The following ETFA variants were observed in gnomAD, a reference collection of about 807,000 sequenced individuals.
The protein encoded by ETFA is electron transfer flavoprotein subunit alpha.
ETFA carries 22 observed loss-of-function variants against 46.2 expected under a neutral mutation model. The ratio of observed to expected loss-of-function variants is 0.48; its 90% CI spans 0.34 to 0.68. The LOEUF is 0.68. Among genes scored for constraint, ETFA ranks in the 30% least tolerant of loss-of-function variants. The pLI, the probability that ETFA is intolerant of heterozygous loss-of-function variation, is 0.01. For synonymous variants in ETFA, 131 were observed against 139.9 expected, an observed-to-expected ratio of 0.94 and a Z score of 0.45; for missense variants, 345 against 401.1, an observed-to-expected ratio of 0.86 and a Z score of 1.19.
intron 9 of ETFA, among the ~76,000 whole-genome samples, chr15:76,247,974 T>C (rs576099899): frequency 1.3e-5 from 2 of 152,246 alleles, no homozygotes; most frequent in Non-Finnish European, 2.9e-5. Flanking sequence ...AGCTTTAGTA[T>C]CTATACAATT....
intron 4 of ETFA, among the ~76,000 whole-genome samples, chr15:76,288,920 CTTTTT>C (rs35295593): frequency 3.6e-5 from 4 of 110,092 alleles, no homozygotes; most frequent in South Asian, 3.2e-4. Flanking sequence ...TCTTCTTCTT[CTTTTT>C]TTTTTTTTTT....
At chr15:76,277,510 A>C (rs75193394) in intron 8 of ETFA, among the ~76,000 whole-genome samples, 2 of 135,710 alleles carry the variant, frequency 1.5e-5, no homozygotes, top group African/African-American at 2.6e-5. Flanking sequence ...AAAACAAAAA[A>C]AAAAAACAAA....
Position 76,216,200 on chromosome 15 carries a change from C to T in ETFA, c.*359G>A. The T allele has an allele frequency of 4.7e-6, 1 of 211,138 alleles. No homozygotes were observed. The highest frequency in any genetic ancestry group is 9.4e-6 in the Non-Finnish European group (1 of 106,354). The allele number at this position is 211,138 out of a possible 1,614,324, so 13.1% of individuals were successfully genotyped here. A position where few individuals can be genotyped will look rare whatever the true frequency, so the allele number is the denominator to read the frequency against. ...TTTACAATCTTCCTAAAACATAGAG[C>T]TCTCCATGAACAAGAAAGGCAAAAA... is the stretch of plus-strand genomic sequence containing the variant. On this transcript the variant is annotated 3_prime_UTR_variant, in exon 12 of 12. Transcript: ENST00000557943.
At chr15:76,283,130 A>T (rs1400147837) in intron 8 of ETFA, among the ~76,000 whole-genome samples, 3 of 152,242 alleles carry the variant, frequency 2.0e-5, no homozygotes, top group African/African-American at 7.2e-5. Context: ...CACCAAAAAA[A>T]AGATGAAAAA....
At chr15:76,246,853 AAATT>A (rs1306350927) in intron 9 of ETFA, among the ~76,000 whole-genome samples, 3 of 152,160 alleles carry the variant, frequency 2.0e-5, no homozygotes, top group African/African-American at 7.2e-5. Context: ...AAAGAAAAGA[AAATT>A]AAATAAAAAG....
At chr15:76,239,408 T>C (rs1227415341) in intron 9 of ETFA, among the ~76,000 whole-genome samples, 1 of 152,222 alleles carries the variant, frequency 6.6e-6, no homozygotes, top group Non-Finnish European at 1.5e-5. Flanking sequence ...ACACTTAAAA[T>C]TTACTCTCTT....
rs568977553 is a variant in ETFA at position 76,311,469 on chromosome 15, T to C, written c.-81A>G. ...GGCGCCGCCTCAGCCAGTCACCTAA[T>C]GCTCGCGAGACGCGCGAACGAGATA... On this transcript the variant is annotated 5_prime_UTR_variant, in exon 1 of 12. Transcript: ENST00000557943. The C allele has an allele frequency of 1.3e-5, 20 of 1,512,032 alleles. No individual in the cohort carries two copies. The highest frequency in any genetic ancestry group is 1.8e-4 in the Middle Eastern group (1 of 5,548). The allele number at this position is 1,512,032 out of a possible 1,614,324, so 93.7% of individuals were successfully genotyped here.
rs2038893931 is a variant in ETFA, at chr15:76,216,200, C to A, written c.*359G>T. 4.7e-6 allele frequency: 1 copy of A among 211,022 alleles called. No individual in the cohort carries two copies. Among genetic ancestry groups the A allele is most frequent in the Non-Finnish European group, 9.4e-6 (1 of 106,362 alleles). 13.1% of individuals were successfully genotyped at this position (211,022 alleles called of 1,614,324 possible). A position where few individuals can be genotyped will look rare whatever the true frequency, so the allele number is the denominator to read the frequency against. Reference sequence around the variant, plus strand: ...TTTACAATCTTCCTAAAACATAGAGCTCTCCATGAACAAGAAAGGCAAAAA... The same window carrying A: ...TTTACAATCTTCCTAAAACATAGAGATCTCCATGAACAAGAAAGGCAAAAA... On this transcript the variant is annotated 3_prime_UTR_variant, in exon 12 of 12. Coordinates refer to ENST00000557943, the MANE Select transcript of ETFA (RefSeq NM_000126.4).
chr15:76,281,103 T>C (rs1303057894), intron 8 of ETFA, among the ~76,000 whole-genome samples: 5 of 151,836 alleles, frequency 3.3e-5, no homozygotes, highest in Non-Finnish European at 7.4e-5. Context: ...TTAGTAGAGG[T>C]GGGGTTTCAC....
At chr15:76,287,443 T>C (rs943721326) in intron 5 of ETFA, among the ~76,000 whole-genome samples, 7 of 152,272 alleles carry the variant, frequency 4.6e-5, no homozygotes, top group East Asian at 1.9e-4. Flanking sequence ...GCTGGGATTA[T>C]AGGCACGAGC....
intron 9 of ETFA, among the ~76,000 whole-genome samples, chr15:76,262,474 CTTTTTT>C (rs60480510): frequency 7.1e-5 from 6 of 84,686 alleles, no homozygotes; most frequent in South Asian, 5.6e-4. Context: ...ATCAAACCCC[CTTTTTT>C]TTTTTTTTTT....
At chr15:76,264,375 TG>T (rs2039449280) in intron 9 of ETFA, among the ~76,000 whole-genome samples, 1 of 152,208 alleles carries the variant, frequency 6.6e-6, no homozygotes, top group Non-Finnish European at 1.5e-5. Flanking sequence ...TACTGGGAGT[TG>T]GCCCTAATTG....
At chr15:76,255,779 G>C (rs1432641240) in intron 9 of ETFA, among the ~76,000 whole-genome samples, 1 of 152,132 alleles carries the variant, frequency 6.6e-6, no homozygotes, top group Non-Finnish European at 1.5e-5. Flanking sequence ...GGTTTATTCT[G>C]GAAAAACCAA....
chr15:76,226,530 G>C (rs2039006395), intron 10 of ETFA, among the ~76,000 whole-genome samples: 1 of 152,120 alleles, frequency 6.6e-6, no homozygotes, highest in South Asian at 2.1e-4. Flanking sequence ...GTTGCAGTGA[G>C]CAGAGATCAC....
At chr15:76,231,820 A>G (rs1374140620) in intron 9 of ETFA, among the ~76,000 whole-genome samples, 1 of 152,228 alleles carries the variant, frequency 6.6e-6, no homozygotes. Flanking sequence ...TTAACATATA[A>G]ACACATATAC....
At chr15:76,298,979 G>T (rs2039854685) in intron 1 of ETFA, among the ~76,000 whole-genome samples, 2 of 152,114 alleles carry the variant, frequency 1.3e-5, no homozygotes, top group African/African-American at 4.8e-5. Context: ...ATAACCCATT[G>T]CCTCTCTACA....
intron 7 of ETFA, among the ~76,000 whole-genome samples, chr15:76,284,150 A>G (rs542908253): frequency 1.3e-5 from 2 of 152,348 alleles, no homozygotes; most frequent in South Asian, 4.1e-4. Context: ...CATATAATAG[A>G]TGCTCAATAA....
At chr15:76,241,359 C>T (rs992096559) in intron 9 of ETFA, among the ~76,000 whole-genome samples, 30 of 151,916 alleles carry the variant, frequency 2.0e-4, no homozygotes, top group African/African-American at 5.8e-4. Context: ...AACAAATTAG[C>T]TGGGTGTGGT....
At chr15:76,231,267 A>C in intron 10 of ETFA, 66 bp downstream of exon 10, 1 of 983,416 alleles carries the variant, frequency 1.0e-6, no homozygotes, top group Non-Finnish European at 1.7e-6. Flanking sequence ...ACATGGAAAC[A>C]TACAAGGTAA....
Sources: allele counts gnomAD v4.1 joint callset (sites outside exome capture counted in the v4.1 genomes callset), GRCh38; gene constraint gnomAD v4.1.1; transcripts MANE v1.5; gene names NCBI Gene and HGNC (gene_info 2026-07-23, HGNC 2026-07-21).